The following TLX3 variants were observed in gnomAD, a reference collection of about 807,000 sequenced individuals.
TLX3 encodes T cell leukemia homeobox 3.
In TLX3, 11 loss-of-function variants were observed where a neutral mutation model predicts 19.6. That is an observed-to-expected ratio of 0.56 (90% confidence interval 0.35 to 0.93). The LOEUF (loss-of-function observed/expected upper bound fraction) is 0.93. Among genes scored for constraint, TLX3 ranks in the 40% least tolerant of loss-of-function variants. The probability of loss-of-function intolerance (pLI) is 0.01; values close to 1 mark genes in which losing one functional copy is unlikely to be tolerated. For missense variants in TLX3, 375 were observed against 418.6 expected (o/e 0.90, Z 0.91); for synonymous variants, 221 against 188.1 (o/e 1.17, Z -1.43).
In TLX3 at chr5:171,309,327, T is replaced by TAC; in HGVS notation, c.-39_-38insAC. On this transcript the variant is annotated 5_prime_UTR_variant, in exon 1 of 3. Coordinates refer to ENST00000296921, the MANE Select transcript of TLX3 (RefSeq NM_021025.4). ...GCGCCGTAACGGGGACCCAGCCGCC[T>TAC]CCCCGCCCAGCCCAGCCCAGCCCTT... 196 of 976,374 alleles carry TAC rather than the reference T, an allele frequency of 2.0e-4. No homozygotes were observed. Among genetic ancestry groups the TAC allele is most frequent in the East Asian group, 3.4e-4 (12 of 35,676 alleles). The allele number at this position is 976,374 out of a possible 1,614,324, so 60.5% of individuals were successfully genotyped here.
rs1043041331 is a variant in TLX3 at position 171,311,981 on chromosome 5, C to G, written c.*382C>G. On this transcript the variant is annotated 3_prime_UTR_variant, in exon 3 of 3. Coordinates refer to ENST00000296921, the MANE Select transcript of TLX3 (RefSeq NM_021025.4). The surrounding 1 kb of genome is among the most constrained non-coding windows in gnomAD (Gnocchi z 5.1). Reference sequence around the variant, plus strand: ...CTTTAGAAACCGGCCACCTGCTTCCCCCGCGGGGGCCGCTGGAGGAAGGGC... The same window carrying G: ...CTTTAGAAACCGGCCACCTGCTTCCGCCGCGGGGGCCGCTGGAGGAAGGGC... 1 of 194,276 alleles carries G rather than the reference C, an allele frequency of 5.1e-6. No homozygotes were observed. Among genetic ancestry groups the G allele is most frequent in the South Asian group, 1.9e-4 (1 of 5,176 alleles). The allele number at this position is 194,276 out of a possible 1,614,324, so 12.0% of individuals were successfully genotyped here. A position where few individuals can be genotyped will look rare whatever the true frequency, so the allele number is the denominator to read the frequency against.
intron 2 of TLX3, among the ~76,000 whole-genome samples, chr5:171,310,839 C>G (rs947128103): frequency 6.6e-6 from 1 of 151,848 alleles, no homozygotes; most frequent in Non-Finnish European, 1.5e-5. Flanking sequence ...TCGTGGACGC[C>G]GGTTTCCTCT....
At position 171,311,705 on chromosome 5, in the gene TLX3, C is replaced by A; in HGVS notation, c.*106C>A. On this transcript the variant is annotated 3_prime_UTR_variant, in exon 3 of 3. Coordinates refer to ENST00000296921, the MANE Select transcript of TLX3 (RefSeq NM_021025.4). The surrounding 1 kb of genome is among the most constrained non-coding windows in gnomAD (Gnocchi z 5.1). ...GAACCGGCGCCGAGAGGGGAAGGGG[C>A]CGCCTAGCCCGAGTAGGCCCCAGGG... 2 of 850,712 alleles carry A rather than the reference C, an allele frequency of 2.4e-6. No individual in the cohort carries two copies. Among genetic ancestry groups the A allele is most frequent in the South Asian group, 1.9e-5 (1 of 52,716 alleles). 52.7% of individuals were successfully genotyped at this position (850,712 alleles called of 1,614,324 possible). A position where few individuals can be genotyped will look rare whatever the true frequency, so the allele number is the denominator to read the frequency against.
In TLX3 at chr5:171,309,684, G is replaced by C. The variant is rs1184604558; in HGVS notation, c.319G>C (p.Ala107Pro). 2 of 1,609,670 alleles carry C rather than the reference G, an allele frequency of 1.2e-6. No homozygotes were observed. Among genetic ancestry groups the C allele is most frequent in the Admixed American group, 3.3e-5 (2 of 59,774 alleles). ...PGAVPPPLPS[A>P]LPAMPSVPTV... ...GGCCGTGCCACCGCCTCTGCCAAGC[G>C]CGCTACCCGCCATGCCCTCCGTGCC... Residue 107 changes from alanine (A) to proline (P), a missense_variant, in exon 1 of 3, where the codon GCG (alanine) becomes CCG (proline). By Grantham distance (27) the Ala-to-Pro change is conservative. This residue lies in a region of TLX3 where 239 missense variants were observed against 217.0 expected (regional missense o/e 1.10). Coordinates refer to ENST00000296921, the MANE Select transcript of TLX3 (RefSeq NM_021025.4).
Position 171,311,645 on chromosome 5 carries a change from C to A in TLX3, c.*46C>A. On this transcript the variant is annotated 3_prime_UTR_variant, in exon 3 of 3. Transcript: ENST00000296921. The surrounding 1 kb of genome is among the most constrained non-coding windows in gnomAD (Gnocchi z 5.1). ...GCCACGGATCGCCGCCCCCACCCAG[C>A]CGGGCGCCCCGGACCCCCCAGGCGG... is the stretch of plus-strand genomic sequence containing the variant. 6.8e-7 allele frequency: 1 copy of A among 1,469,514 alleles called. No individual in the cohort carries two copies. Among genetic ancestry groups the A allele is most frequent in the Admixed American group, 1.9e-5 (1 of 51,542 alleles). The allele number at this position is 1,469,514 out of a possible 1,614,324, so 91.0% of individuals were successfully genotyped here. A position where few individuals can be genotyped will look rare whatever the true frequency, so the allele number is the denominator to read the frequency against.
At chr5:171,310,066 C>A in intron 1 of TLX3, 84 bp from the exon 2 acceptor site, 2 of 1,468,768 alleles carry the variant, frequency 1.4e-6, no homozygotes, top group Non-Finnish European at 1.8e-6. Flanking sequence ...TCTCCGTGTC[C>A]CACGGGGCGC....
In TLX3 at chr5:171,309,777, C is replaced by A. The variant is rs772305923; in HGVS notation, c.412C>A (p.Arg138Ser). Residue 138 changes from arginine to serine, a missense_variant, in exon 1 of 3, where the codon CGC (arginine) becomes AGC (serine). Arg to Ser is a moderately radical substitution (Grantham distance 110). Transcript: ENST00000296921. ...MESSRRFVKD[R>S]FTAAAALTPF... ...GAGCAGCCGCCGCTTCGTGAAAGAC[C>A]GCTTCACAGGTGAGCAGAGCTGGCG... 4.4e-6 allele frequency: 7 copies of A among 1,603,648 alleles called. No homozygotes were observed. Among genetic ancestry groups the A allele is most frequent in the Non-Finnish European group, 5.1e-6 (6 of 1,175,488 alleles).
At chr5:171,309,903 C>CGGCCCCAG in intron 1 of TLX3, 117 bp downstream of exon 1, 1 of 1,371,376 alleles carries the variant, frequency 7.3e-7, no homozygotes, top group Non-Finnish European at 9.6e-7. Flanking sequence ...GCGGAGGCCT[C>CGGCCCCAG]GGCCCCAGGG....
Position 171,309,713 on chromosome 5 carries a change from G to C in TLX3, c.348G>C (p.Thr116=). The change falls in exon 1 of 3, where the codon ACG becomes ACC. Residue 116 remains threonine (T), a synonymous_variant. Coordinates refer to ENST00000296921, the MANE Select transcript of TLX3 (RefSeq NM_021025.4). ...TACCCGCCATGCCCTCCGTGCCCAC[G>C]GTCTCCAGCCTTGGCGGTCTCAATT... ...SALPAMPSVP[T]VSSLGGLNFP... 1 of 1,611,386 alleles carries C rather than the reference G, an allele frequency of 6.2e-7. No homozygotes were observed. The highest frequency in any genetic ancestry group is 8.5e-7 in the Non-Finnish European group (1 of 1,179,352).
rs1440254907 is a variant in TLX3 at position 171,310,311 on chromosome 5, G to A, written c.583G>A (p.Glu195Lys). The change falls in exon 2 of 3, where the codon GAG (glutamate) becomes AAG (lysine). Residue 195 changes from glutamate to lysine, a missense_variant. Physicochemically the swap from Glu to Lys is moderately conservative, Grantham distance 56. Transcript: ENST00000296921. ...FHRQKYLASA[E>K]RAALAKSLKM... The stretch of plus-strand genomic sequence containing the variant: ...TCGCCAGAAGTACCTGGCCTCTGCC[G>A]AGAGGGCGGCGCTCGCCAAGTCCCT... The A allele has an allele frequency of 6.2e-7, 1 of 1,608,140 alleles. No homozygotes were observed. The highest frequency in any genetic ancestry group is 8.5e-7 in the Non-Finnish European group (1 of 1,177,446).
chr5:171,309,829 G>C (rs761390203), intron 1 of TLX3, 43 bp downstream of exon 1: 15 of 1,511,364 alleles, frequency 9.9e-6, no homozygotes, highest in Admixed American at 2.2e-5. Flanking sequence ...CCGCCCTCTC[G>C]GGGCCAGAGG....
chr5:171,309,279 G>A lies in TLX3; in HGVS notation c.-87G>A, dbSNP rs1769173028. On this transcript the variant is annotated 5_prime_UTR_variant, in exon 1 of 3. Coordinates refer to ENST00000296921, the MANE Select transcript of TLX3 (RefSeq NM_021025.4). Reference sequence around the variant, plus strand: ...TCTTGGCAAAGTTTCAGTGCGACGAGAGGCGCCGGGCGCTCCATGGCCGCG... The same window carrying A: ...TCTTGGCAAAGTTTCAGTGCGACGAAAGGCGCCGGGCGCTCCATGGCCGCG... The A allele has an allele frequency of 8.5e-7, 1 of 1,170,800 alleles. No individual in the cohort carries two copies. Among genetic ancestry groups the A allele is most frequent in the Non-Finnish European group, 1.1e-6 (1 of 873,290 alleles). 72.5% of individuals were successfully genotyped at this position (1,170,800 alleles called of 1,614,324 possible). A position where few individuals can be genotyped will look rare whatever the true frequency, so the allele number is the denominator to read the frequency against.
At position 171,309,502 on chromosome 5, in the gene TLX3, G is replaced by C. The variant is rs754436152; in HGVS notation, c.137G>C (p.Gly46Ala). 1 of 1,573,494 alleles carries C rather than the reference G, an allele frequency of 6.4e-7. No homozygotes were observed. The change falls in exon 1 of 3, where the codon GGG becomes GCG. Residue 46 changes from glycine to alanine, a missense_variant. This residue lies in a region of TLX3 where 239 missense variants were observed against 217.0 expected (regional missense o/e 1.10). Coordinates refer to ENST00000296921, the MANE Select transcript of TLX3 (RefSeq NM_021025.4). ...RGPDGASYLG[G>A]PPGGRPGATY... The stretch of plus-strand genomic sequence containing the variant: ...CCCGACGGCGCCAGCTACCTGGGAG[G>C]GCCCCCCGGGGGCCGTCCGGGCGCC...
In TLX3 at chr5:171,309,419, C is replaced by T. The variant is rs1459032082; in HGVS notation, c.54C>T (p.Phe18=). Residue 18 remains phenylalanine, a synonymous_variant, in exon 1 of 3, where the codon TTC becomes TTT. Transcript: ENST00000296921. ...QTPHPHEPIS[F]GIDQILNSPD... is the part of the protein sequence containing the mutation. ...CGCACCCGCACGAGCCCATCAGCTT[C>T]GGCATCGACCAGATCCTTAACAGCC... 1 of 1,581,024 alleles carries T rather than the reference C, an allele frequency of 6.3e-7. No homozygotes were observed.
intron 2 of TLX3, among the ~76,000 whole-genome samples, chr5:171,310,663 C>T (rs895825361): frequency 2.0e-5 from 3 of 151,762 alleles, no homozygotes; most frequent in Non-Finnish European, 4.4e-5. Flanking sequence ...CCAACTCTCT[C>T]CCCGTGTTTT....
chr5:171,310,494 C>A, intron 2 of TLX3, 101 bp downstream of exon 2: 1 of 1,423,986 alleles, frequency 7.0e-7, no homozygotes, highest in Non-Finnish European at 9.4e-7. Flanking sequence ...ATCCACTACC[C>A]CCGCCCCCCT....
rs1478354444 is a variant in TLX3 at position 171,311,008 on chromosome 5, G to T, written c.666-381G>T. Among the ~76,000 whole-genome samples the T allele has an allele frequency of 6.6e-6, 1 of 151,994 alleles. No individual in the cohort carries two copies. Among genetic ancestry groups the T allele is most frequent in the African/African-American group, 2.4e-5 (1 of 41,374 alleles). ...CCAGCCCCCGGGCGTCGTGCGGGTG[G>T]TGCAGAGCCAGCCTGCTCACCCGCG... On this transcript the variant is annotated intron_variant, in intron 2 of 2. Coordinates refer to ENST00000296921, the MANE Select transcript of TLX3 (RefSeq NM_021025.4). The surrounding 1 kb of genome is among the most constrained non-coding windows in gnomAD (Gnocchi z 5.1).
chr5:171,311,756 G>A lies in TLX3; in HGVS notation c.*157G>A, dbSNP rs542013126. ...CGCGGCCACAGACTGGCGGGCCGCG[G>A]AAGGGGGTAGGGCCCGAGCTCCGCG... On this transcript the variant is annotated 3_prime_UTR_variant, in exon 3 of 3. Coordinates refer to ENST00000296921, the MANE Select transcript of TLX3 (RefSeq NM_021025.4). This position sits in a 1 kb window ranked among gnomAD's most constrained non-coding sequence, Gnocchi z 5.1. 12 of 519,942 alleles carry A rather than the reference G, an allele frequency of 2.3e-5. No individual in the cohort carries two copies. The highest frequency in any genetic ancestry group is 4.1e-5 in the African/African-American group (2 of 48,736). The allele number at this position is 519,942 out of a possible 1,614,324, so 32.2% of individuals were successfully genotyped here.
In TLX3 at chr5:171,310,319, G is replaced by A. The variant is rs201413999; in HGVS notation, c.591G>A (p.Ala197=). 1.9e-6 allele frequency: 3 copies of A among 1,609,596 alleles called. 1 individual carries two copies. The highest frequency in any genetic ancestry group is 2.2e-5 in the East Asian group (1 of 44,588). The part of the protein sequence containing the change: ...RQKYLASAER[A]ALAKSLKMTD... ...AGTACCTGGCCTCTGCCGAGAGGGC[G>A]GCGCTCGCCAAGTCCCTCAAAATGA... The change falls in exon 2 of 3, where the codon GCG becomes GCA. Residue 197 remains alanine (A), a synonymous_variant. Transcript: ENST00000296921.
Sources: allele counts gnomAD v4.1 joint callset (sites outside exome capture counted in the v4.1 genomes callset), GRCh38; gene constraint gnomAD v4.1.1; regional missense constraint gnomAD v4.1.1; non-coding constraint Gnocchi (gnomAD v3.1); transcripts MANE v1.5; gene names NCBI Gene and HGNC (gene_info 2026-07-23, HGNC 2026-07-21).